CEP152: variants seen among roughly 807,000 people sequenced by gnomAD.
CEP152 encodes centrosomal protein 152, also known as centrosomal protein of 152 kDa.
Under a neutral mutation model 188.9 loss-of-function variants are expected in CEP152, and 132 were observed. That is an observed-to-expected ratio of 0.70 (90% confidence interval 0.61 to 0.81). The LOEUF (loss-of-function observed/expected upper bound fraction) is 0.81. CEP152 is among the 30% of genes least tolerant of loss of function. The probability of loss-of-function intolerance (pLI) is 0.00; values close to 1 mark genes in which losing one functional copy is unlikely to be tolerated. For missense variants in CEP152, 1,914 were observed against 1,969.8 expected, an observed-to-expected ratio of 0.97 and a Z score of 0.54; for synonymous variants, 649 against 666.6, an observed-to-expected ratio of 0.97 and a Z score of 0.41.
In CEP152 at chr15:48,756,480, G is replaced by A. The variant is rs368884764; in HGVS notation, c.2768C>T (p.Pro923Leu). 6.2e-7 allele frequency: 1 copy of A among 1,612,788 alleles called. No individual in the cohort carries two copies. The highest frequency in any genetic ancestry group is 1.3e-5 in the African/African-American group (1 of 74,840). Residue 923 changes from proline (P) to leucine (L), a missense_variant, in exon 20 of 27, where the codon CCT becomes CTT. Coordinates refer to ENST00000380950, the MANE Select transcript of CEP152 (RefSeq NM_001194998.2). Reference protein sequence around the residue: ...ELENMRKNILPGKELEEKIHS... With the variant: ...ELENMRKNILLGKELEEKIHS... ...AATCTTCTCTTCCAATTCCTTTCCA[G>A]GAAGTATATTTTTCCTCATATTTTC...
At chr15:48,786,573 T>G (rs1376519894) in intron 9 of CEP152, among the ~76,000 whole-genome samples, 1 of 152,224 alleles carries the variant, frequency 6.6e-6, no homozygotes, top group Non-Finnish European at 1.5e-5. Context: ...CATGGATATG[T>G]GGCATGATGC....
At chr15:48,741,860 G>C in intron 25 of CEP152, 87 bp downstream of exon 25, 1 of 1,612,272 alleles carries the variant, frequency 6.2e-7, no homozygotes, top group South Asian at 1.1e-5. Context: ...TGTAGAAATA[G>C]TTAATTTAGT....
rs189659093 is a variant in CEP152 at position 48,738,242 on chromosome 15, A to G, written c.*7T>C. The G allele has an allele frequency of 9.1e-5, 147 of 1,609,768 alleles. 1 individual carries two copies. The highest frequency in any genetic ancestry group is 9.1e-4 in the Admixed American group (54 of 59,666). On this transcript the variant is annotated 3_prime_UTR_variant, in exon 27 of 27. Transcript: ENST00000380950. ...ATTAATGATTCTTCTTAAATACTGT[A>G]CCATAATTAGTCTAGATTAACAAAT... is the stretch of plus-strand genomic sequence containing the variant.
intron 20 of CEP152, 97 bp downstream of exon 20, chr15:48,755,806 C>T: frequency 6.3e-7 from 1 of 1,585,136 alleles, no homozygotes; most frequent in Admixed American, 1.7e-5. Context: ...AGACTTACAT[C>T]TACTAAAATT....
chr15:48,804,990 C>T (rs1897887733), intron 2 of CEP152, among the ~76,000 whole-genome samples: 1 of 152,224 alleles, frequency 6.6e-6, no homozygotes, highest in Admixed American at 6.5e-5. Context: ...CTTCCTCAGG[C>T]TTCTGCATGG....
At chr15:48,760,336 G>A in intron 18 of CEP152, 70 bp from the exon 19 acceptor site, 3 of 1,562,074 alleles carry the variant, frequency 1.9e-6, no homozygotes, top group Admixed American at 1.7e-5. Flanking sequence ...TTTTTAAACA[G>A]CAATTATGAT....
At position 48,797,395 on chromosome 15, in the gene CEP152, T is replaced by C. The variant is rs943743333; in HGVS notation, c.446A>G (p.Asn149Ser). ...CTGACCATTGGTATATGGCCTAAAG[T>C]TTTCAGGAAGGTGATATAAATCAGT... is the stretch of plus-strand genomic sequence containing the variant. ...EQTDLYHLPE[N>S]FRPYTNGQKQ... The change falls in exon 5 of 27, where the codon AAC (asparagine) becomes AGC (serine). Residue 149 changes from asparagine to serine, a missense_variant. Transcript: ENST00000380950. The C allele has an allele frequency of 1.2e-6, 2 of 1,614,132 alleles. No individual in the cohort carries two copies. The highest frequency in any genetic ancestry group is 1.7e-6 in the Non-Finnish European group (2 of 1,179,996).
In CEP152 at chr15:48,756,390, A is replaced by G; in HGVS notation, c.2858T>C (p.Leu953Ser). ...EEVPVVIRAE[L>S]AKARSEWNKE... ...GTTCCATTCACTCCGAGCCTTAGCT[A>G]ACTCAGCCCTGATGACCACAGGGAC... The change falls in exon 20 of 27, where the codon TTA (leucine) becomes TCA (serine). Residue 953 changes from leucine (L) to serine (S), a missense_variant. Leu to Ser is a moderately radical substitution (Grantham distance 145). Transcript: ENST00000380950. 6.2e-7 allele frequency: 1 copy of G among 1,605,544 alleles called. No individual in the cohort carries two copies. The highest frequency in any genetic ancestry group is 8.5e-7 in the Non-Finnish European group (1 of 1,175,680).
In CEP152 at chr15:48,737,994, A is replaced by G. The variant is rs187213125; in HGVS notation, c.*255T>C. The G allele has an allele frequency of 1.2e-4, 47 of 406,062 alleles. 1 individual carries two copies. In the East Asian group the frequency reaches 2.0e-3, roughly 18 times the overall value. 25.2% of individuals were successfully genotyped at this position (406,062 alleles called of 1,614,324 possible). On this transcript the variant is annotated 3_prime_UTR_variant, in exon 27 of 27. Coordinates refer to ENST00000380950, the MANE Select transcript of CEP152 (RefSeq NM_001194998.2). ...TTAACACTGCAGAGTGAGTCAATTT[A>G]TAAGTATAAAAATAGATGGTTTAGA...
intron 19 of CEP152, 40 bp from the exon 20 acceptor site, chr15:48,756,593 AT>A: frequency 1.3e-6 from 2 of 1,588,396 alleles, no homozygotes; most frequent in Non-Finnish European, 1.7e-6. Context: ...AGTCTTTATG[AT>A]TCTCCTCCTT....
At chr15:48,758,436 A>G (rs1894428844) in intron 19 of CEP152, among the ~76,000 whole-genome samples, 1 of 152,058 alleles carries the variant, frequency 6.6e-6, no homozygotes, top group African/African-American at 2.4e-5. Flanking sequence ...TGCAAATTCC[A>G]GCCAGGTGCG....
chr15:48,775,396 A>G (rs1316129997), intron 12 of CEP152, among the ~76,000 whole-genome samples: 1 of 152,168 alleles, frequency 6.6e-6, no homozygotes, highest in Non-Finnish European at 1.5e-5. Context: ...AAAAATTCTT[A>G]AAGCAGCAAA....
At chr15:48,809,029 C>A (rs1898173128) in intron 1 of CEP152, among the ~76,000 whole-genome samples, 1 of 152,100 alleles carries the variant, frequency 6.6e-6, no homozygotes, top group Non-Finnish European at 1.5e-5. Context: ...ATGCTCTGAC[C>A]CAGCATTCCT....
Position 48,762,602 on chromosome 15 carries a change from A to G in CEP152, c.2351T>C (p.Met784Thr). 1 of 1,613,928 alleles carries G rather than the reference A, an allele frequency of 6.2e-7. No individual in the cohort carries two copies. Among genetic ancestry groups the G allele is most frequent in the South Asian group, 1.1e-5 (1 of 91,078 alleles). ...GCCACAATCTAAGGTCTTCTTTTTCATTGCCTTTATAGTTTGATCCAGCTT... is the reference window on the plus strand; with the variant it reads ...GCCACAATCTAAGGTCTTCTTTTTCGTTGCCTTTATAGTTTGATCCAGCTT... Reference protein sequence around the residue: ...QSKLDQTIKAMKKKTLDCGSQ... With the variant: ...QSKLDQTIKATKKKTLDCGSQ... Residue 784 changes from methionine (M) to threonine (T), a missense_variant, in exon 18 of 27, where the codon ATG becomes ACG. Physicochemically the swap from Met to Thr is moderately conservative, Grantham distance 81. Transcript: ENST00000380950.
rs202018377 is a variant in CEP152 at position 48,738,814 on chromosome 15, G to C, written c.4568C>G (p.Thr1523Ser). Reference protein sequence around the residue: ...GPSESGCMHITFRDSNERLGL... With the variant: ...GPSESGCMHISFRDSNERLGL... ...AAGTCTTTCATTAGAATCGCGAAAG[G>C]TTATATGCATGCATCCTGATTCAGA... Residue 1523 changes from threonine to serine, a missense_variant, in exon 27 of 27, where the codon ACC becomes AGC. Coordinates refer to ENST00000380950, the MANE Select transcript of CEP152 (RefSeq NM_001194998.2). 1 of 1,614,160 alleles carries C rather than the reference G, an allele frequency of 6.2e-7. No individual in the cohort carries two copies. The highest frequency in any genetic ancestry group is 8.5e-7 in the Non-Finnish European group (1 of 1,180,010).
chr15:48,776,783 A>G (rs1895939345), intron 12 of CEP152, among the ~76,000 whole-genome samples: 1 of 152,134 alleles, frequency 6.6e-6, no homozygotes. Flanking sequence ...GAAGTTTTAT[A>G]CTGAAATATA....
intron 12 of CEP152, among the ~76,000 whole-genome samples, chr15:48,773,017 A>T (rs1333484157): frequency 6.6e-6 from 1 of 152,144 alleles, no homozygotes; most frequent in Non-Finnish European, 1.5e-5. Flanking sequence ...GCCCTTTATG[A>T]CTCTAACAGA....
At chr15:48,787,162 C>CATTTTTT (rs1567018509) in intron 9 of CEP152, among the ~76,000 whole-genome samples, 3 of 37,148 alleles carry the variant, frequency 8.1e-5, no homozygotes, top group Non-Finnish European at 2.0e-4. Context: ...GTATAGCCTT[C>CATTTTTT]GTTTTTTTTT....
chr15:48,791,120 T>A (rs1285878697), intron 8 of CEP152, 117 bp downstream of exon 8: 1 of 846,632 alleles, frequency 1.2e-6, no homozygotes, highest in African/African-American at 1.7e-5. Context: ...GAAATTTAAG[T>A]TCTAATGCTT....
Sources: gnomAD v4.1 joint callset for allele counts (sites outside exome capture counted in the v4.1 genomes callset) on GRCh38, gnomAD v4.1.1 for gene constraint, MANE v1.5 for transcripts, NCBI Gene and HGNC (gene_info 2026-07-23, HGNC 2026-07-21) for gene names.